Variants in NIT1 observed in about 807,000 individuals in gnomAD.
The protein encoded by NIT1 is nitrilase 1.
A neutral mutation model predicts 36.8 loss-of-function variants in NIT1; 30 were observed. That is an observed-to-expected ratio of 0.82 (90% CI 0.61 to 1.11). The LOEUF (loss-of-function observed/expected upper bound fraction) is 1.11, where lower values mean the gene tolerates loss of function less well. Among genes scored for constraint, NIT1 ranks in the 50% least tolerant of loss-of-function variants. The pLI is 0.00. For missense variants in NIT1, 438 were observed against 410.6 expected (o/e 1.07, Z -0.58); for synonymous variants, 151 against 155.6 (o/e 0.97, Z 0.22).
In NIT1 at chr1:161,118,816, A is replaced by G; in HGVS notation, c.33A>G (p.Arg11=). The change falls in exon 2 of 7, where the codon AGA becomes AGG. Residue 11 remains arginine (R), a synonymous_variant. Transcript: ENST00000368009. The part of the protein sequence containing the change: MLGFITRPPH[R]FLSLLCPGLR... Reference sequence around the variant, plus strand: ...GCTTCATCACCAGGCCTCCTCACAGATTCCTGTCCCTTCTGTGTCCTGGAC... The same window carrying G: ...GCTTCATCACCAGGCCTCCTCACAGGTTCCTGTCCCTTCTGTGTCCTGGAC... 2 of 1,614,082 alleles carry G rather than the reference A, an allele frequency of 1.2e-6. No homozygotes were observed. Among genetic ancestry groups the G allele is most frequent in the Non-Finnish European group, 1.7e-6 (2 of 1,179,976 alleles).
Position 161,118,137 on chromosome 1 carries a change from C to G in NIT1, c.-40C>G, listed in dbSNP as rs370857008. 5.6e-6 allele frequency: 9 copies of G among 1,613,922 alleles called. No individual in the cohort carries two copies. The highest frequency in any genetic ancestry group is 7.6e-6 in the Non-Finnish European group (9 of 1,179,910). On this transcript the variant is annotated 5_prime_UTR_variant, in exon 1 of 7. Coordinates refer to ENST00000368009, the MANE Select transcript of NIT1 (RefSeq NM_005600.3). Reference sequence around the variant, plus strand: ...GCGGCGCTTCTGGCTCCAGACCGCCCTCCGGATCGGACCCTGCGAATGGTT... The same window carrying G: ...GCGGCGCTTCTGGCTCCAGACCGCCGTCCGGATCGGACCCTGCGAATGGTT...
downstream of NIT1, among the ~76,000 whole-genome samples, chr1:161,123,513 G>A (rs373717034): frequency 3.3e-5 from 5 of 152,058 alleles, no homozygotes; most frequent in East Asian, 7.8e-4. Context: ...GCGGGCGCCT[G>A]TAGTCCCAGC....
At chr1:161,122,070 G>A (rs984835123), downstream of NIT1, 15 of 1,502,258 alleles carry the variant, frequency 1.0e-5, 1 homozygote, top group African/African-American at 1.4e-5. This position sits in a 1 kb window ranked among gnomAD's most constrained non-coding sequence, Gnocchi z 4.2. Flanking sequence ...TGGAAGGGTA[G>A]AGAACAAACC....
In NIT1 at chr1:161,120,776, C is replaced by T; in HGVS notation, c.*11C>T. ...CACCCACTGTCTTAAGACTTGACTT[C>T]TGTGAGTTTAGACCTGCCCCTCCCA... On this transcript the variant is annotated 3_prime_UTR_variant, in exon 7 of 7. Coordinates refer to ENST00000368009, the MANE Select transcript of NIT1 (RefSeq NM_005600.3). The T allele has an allele frequency of 6.2e-7, 1 of 1,610,812 alleles. No homozygotes were observed. The highest frequency in any genetic ancestry group is 8.5e-7 in the Non-Finnish European group (1 of 1,179,014).
At chr1:161,123,819 G>C, downstream of NIT1, 1 of 1,588,706 alleles carries the variant, frequency 6.3e-7, no homozygotes, top group Non-Finnish European at 8.6e-7. Context: ...GGAAAGCAGG[G>C]GGAGTTAATG....
chr1:161,123,801 T>G (rs1436240739), downstream of NIT1: 5 of 1,555,702 alleles, frequency 3.2e-6, no homozygotes, highest in Non-Finnish European at 4.4e-6. Context: ...GTCCTTTTAC[T>G]TGATGATGGA....
At chr1:161,120,278 A>T in intron 6 of NIT1, 46 bp downstream of exon 6, 1 of 1,607,498 alleles carries the variant, frequency 6.2e-7, no homozygotes, top group Non-Finnish European at 8.5e-7. Flanking sequence ...TCTTAACCTC[A>T]TCTTCCCCCC....
chr1:161,121,250 G>A, downstream of NIT1: 1 of 930,826 alleles, frequency 1.1e-6, no homozygotes, highest in South Asian at 4.8e-5. Flanking sequence ...GAGTGGAGGA[G>A]GGGGAAGGAA....
downstream of NIT1, chr1:161,124,192 T>C: frequency 6.2e-7 from 1 of 1,614,232 alleles, no homozygotes; most frequent in Non-Finnish European, 8.5e-7. Flanking sequence ...CGAGTGATGA[T>C]GCGCAGCAGC....
downstream of NIT1, chr1:161,122,004 CTT>C (rs756833436): frequency 2.7e-4 from 314 of 1,168,666 alleles, no homozygotes; most frequent in South Asian, 5.4e-4. The surrounding 1 kb of genome is among the most constrained non-coding windows in gnomAD (Gnocchi z 4.2). Context: ...ACCACTTCCA[CTT>C]TCTTTTGTCT....
downstream of NIT1, chr1:161,122,620 G>A (rs1655633715): frequency 2.8e-6 from 4 of 1,453,134 alleles, no homozygotes; most frequent in East Asian, 4.6e-5. This position sits in a 1 kb window ranked among gnomAD's most constrained non-coding sequence, Gnocchi z 4.2. Flanking sequence ...GAATAAAAAA[G>A]TAGGGAATAT....
rs780618093 is a variant in NIT1, at chr1:161,118,151, C to G, written c.-26C>G. On this transcript the variant is annotated 5_prime_UTR_variant, in exon 1 of 7. Transcript: ENST00000368009. ...TCCAGACCGCCCTCCGGATCGGACCCTGCGAATGGTTTTGGCTATATCTTC... is the reference window on the plus strand; with the variant it reads ...TCCAGACCGCCCTCCGGATCGGACCGTGCGAATGGTTTTGGCTATATCTTC... 1.9e-6 allele frequency: 3 copies of G among 1,614,030 alleles called. No homozygotes were observed. The highest frequency in any genetic ancestry group is 4.5e-5 in the East Asian group (2 of 44,876).
In NIT1 at chr1:161,119,163, C is replaced by G; in HGVS notation, c.128C>G (p.Ser43Cys). ...AGAGCCATGGCTATCTCCTCTTCCT[C>G]CTGCGAACTGCCCCTGGTGGCTGTG... ...RPRAMAISSS[S>C]CELPLVAVCQ... Residue 43 changes from serine to cysteine, a missense_variant, in exon 3 of 7, where the codon TCC becomes TGC. Transcript: ENST00000368009. The G allele has an allele frequency of 6.2e-7, 1 of 1,614,050 alleles. No homozygotes were observed. Among genetic ancestry groups the G allele is most frequent in the Non-Finnish European group, 8.5e-7 (1 of 1,180,034 alleles).
chr1:161,123,779 G>C, downstream of NIT1: 1 of 1,434,896 alleles, frequency 7.0e-7, no homozygotes, highest in Non-Finnish European at 9.7e-7. Flanking sequence ...CCCAGAATGT[G>C]ATGGGATCAG....
chr1:161,123,155 G>A (rs763812597), downstream of NIT1: 3 of 1,614,174 alleles, frequency 1.9e-6, no homozygotes, highest in South Asian at 3.3e-5. Flanking sequence ...TCTCCCTCGG[G>A]CTGGCCGCTT....
chr1:161,119,032 A>T, intron 2 of NIT1, 102 bp from the exon 3 acceptor site: 1 of 1,481,702 alleles, frequency 6.7e-7, no homozygotes, highest in Non-Finnish European at 9.4e-7. Context: ...GAGCATGATC[A>T]AAAGGAAGTC....
chr1:161,120,845 G>T lies in NIT1; in HGVS notation c.*80G>T. On this transcript the variant is annotated 3_prime_UTR_variant, in exon 7 of 7. Transcript: ENST00000368009. ...GAGCTAGTGCTCATGTGACTTGGAG[G>T]CAGGATCCAGGCACAGCTCCCCTCA... 1 of 1,537,184 alleles carries T rather than the reference G, an allele frequency of 6.5e-7. No homozygotes were observed. The highest frequency in any genetic ancestry group is 1.3e-5 in the South Asian group (1 of 79,962).
rs2101720561 is a variant in NIT1, at chr1:161,119,577, A to G, written c.422A>G (p.Lys141Arg). 3 of 1,614,158 alleles carry G rather than the reference A, an allele frequency of 1.9e-6. No individual in the cohort carries two copies. The highest frequency in any genetic ancestry group is 1.7e-4 in the Middle Eastern group (1 of 6,060). The change falls in exon 4 of 7, where the codon AAA becomes AGA. Residue 141 changes from lysine to arginine, a missense_variant. Transcript: ENST00000368009. ...GGCCAAGACTGGGAGCAGACTCAGA[A>G]AATCTACAATTGTCACGTGCTGCTG... ...ERGQDWEQTQ[K>R]IYNCHVLLNS... is the part of the protein sequence containing the mutation.
chr1:161,118,346 C>T lies in NIT1; in HGVS notation c.2+168C>T, dbSNP rs1655055281. ...CGGCTTGGGGCCTGGGTTCCTTTGC[C>T]CCTTGCCCACCAGGGAGGGGTGGGA... On this transcript the variant is annotated intron_variant, in intron 1 of 6. Coordinates refer to ENST00000368009, the MANE Select transcript of NIT1 (RefSeq NM_005600.3). 17 of 1,520,806 alleles carry T rather than the reference C, an allele frequency of 1.1e-5. No homozygotes were observed. In the Admixed American group the frequency reaches 2.8e-4, roughly 25 times the overall value. The allele number at this position is 1,520,806 out of a possible 1,614,324, so 94.2% of individuals were successfully genotyped here. A position where few individuals can be genotyped will look rare whatever the true frequency, so the allele number is the denominator to read the frequency against.
Sources: allele counts gnomAD v4.1 joint callset (sites outside exome capture counted in the v4.1 genomes callset), GRCh38; gene constraint gnomAD v4.1.1; non-coding constraint Gnocchi (gnomAD v3.1); transcripts MANE v1.5; gene names NCBI Gene and HGNC (gene_info 2026-07-23, HGNC 2026-07-21).